LAMA2: variants seen among roughly 807,000 people sequenced by gnomAD.
LAMA2 encodes the protein laminin subunit alpha 2, also known as laminin subunit alpha-2.
A neutral mutation model predicts 364.8 loss-of-function variants in LAMA2; 269 were observed. That is an observed-to-expected ratio of 0.74 (90% CI 0.67 to 0.82). The LOEUF (loss-of-function observed/expected upper bound fraction) is 0.82, where lower values mean the gene tolerates loss of function less well. Among genes scored for constraint, LAMA2 ranks in the 40% least tolerant of loss-of-function variants. The probability of loss-of-function intolerance (pLI) is 0.00; values close to 1 mark genes in which losing one functional copy is unlikely to be tolerated. For missense variants in LAMA2, 3,807 were observed against 3,873.2 expected (o/e 0.98, Z 0.45); for synonymous variants, 1,379 against 1,370.6 (o/e 1.01, Z -0.14).
chr6:129,486,936 A>C (rs1162858484), intron 56 of LAMA2, among the ~76,000 whole-genome samples: 1 of 152,178 alleles, frequency 6.6e-6, no homozygotes, highest in Non-Finnish European at 1.5e-5. Flanking sequence ...TACCTCCTCA[A>C]ATAAGGTATG....
chr6:129,467,122 A>T (rs1250695096), intron 51 of LAMA2, among the ~76,000 whole-genome samples: 1 of 151,856 alleles, frequency 6.6e-6, no homozygotes, highest in East Asian at 1.9e-4. Flanking sequence ...TCAACAGATG[A>T]CTGAGAAAAG....
At chr6:129,082,146 G>C (rs112829748) in intron 3 of LAMA2, among the ~76,000 whole-genome samples, 2,052 of 152,128 alleles carry the variant, frequency 0.013, 22 homozygotes, top group South Asian at 0.046. Context: ...TAAGTTATTG[G>C]TAATCCTTTT....
rs561354157 is a variant in LAMA2, at chr6:129,499,721, G to GA, written c.8245-2938_8245-2937insA. ...ACTGGTGCTGCCCTGAACACATCAT[G>GA]TTTTTTTTCTTTTTGAGACAGGTTC... On this transcript the variant is annotated intron_variant, in intron 58 of 64. Coordinates refer to ENST00000421865, the MANE Select transcript of LAMA2 (RefSeq NM_000426.4). 4.0e-3 allele frequency among the ~76,000 whole-genome samples: 604 copies of GA among 151,894 alleles called. 1 individual carries two copies. The highest frequency in any genetic ancestry group is 6.2e-3 in the Non-Finnish European group (422 of 67,930).
At chr6:129,427,724 T>G in intron 40 of LAMA2, 28 bp from the exon 41 acceptor site, 1 of 1,490,968 alleles carries the variant, frequency 6.7e-7, no homozygotes, top group South Asian at 1.1e-5. Context: ...TGGTTTTAGA[T>G]GTATGACATT....
At chr6:128,933,657 A>G (rs1000390573) in intron 1 of LAMA2, among the ~76,000 whole-genome samples, 1 of 151,996 alleles carries the variant, frequency 6.6e-6, no homozygotes, top group Non-Finnish European at 1.5e-5. Context: ...TTTGATTTGT[A>G]TTTCCCTGAT....
At chr6:129,104,240 T>A (rs189299295) in intron 4 of LAMA2, among the ~76,000 whole-genome samples, 1 of 152,182 alleles carries the variant, frequency 6.6e-6, no homozygotes, top group African/African-American at 2.4e-5. Flanking sequence ...TCAAGTGATC[T>A]TTCCACCTTA....
chr6:129,470,041 G>A (rs1169991463), intron 51 of LAMA2, among the ~76,000 whole-genome samples: 2 of 151,780 alleles, frequency 1.3e-5, no homozygotes, highest in Admixed American at 1.3e-4. Flanking sequence ...TTCTGCAGGT[G>A]TATACAATTA....
At chr6:128,963,269 A>G (rs1054241884) in intron 1 of LAMA2, among the ~76,000 whole-genome samples, 5 of 152,164 alleles carry the variant, frequency 3.3e-5, no homozygotes, top group African/African-American at 9.6e-5. Context: ...ACTGGCCCAC[A>G]TTCTAGGTTG....
At chr6:129,140,910 C>T (rs975653555) in intron 4 of LAMA2, among the ~76,000 whole-genome samples, 8 of 152,030 alleles carry the variant, frequency 5.3e-5, no homozygotes, top group Non-Finnish European at 1.2e-4. Context: ...TTGCTGAATC[C>T]TTCATGTAGC....
intron 1 of LAMA2, chr6:128,929,913 C>T (rs1247096156): frequency 4.7e-6 from 4 of 842,764 alleles, no homozygotes; most frequent in Non-Finnish European, 7.9e-6. Flanking sequence ...TGCAGGTACG[C>T]AGCAAGCAGG....
At chr6:128,929,948 AC>A in intron 1 of LAMA2, 1 of 723,818 alleles carries the variant, frequency 1.4e-6, no homozygotes, top group Non-Finnish European at 2.4e-6. Context: ...CCCCACCTGG[AC>A]CCACCACTCC....
chr6:129,387,118 G>A (rs1035319908), intron 35 of LAMA2, among the ~76,000 whole-genome samples: 9 of 150,564 alleles, frequency 6.0e-5, no homozygotes, highest in African/African-American at 1.9e-4. Flanking sequence ...TGGGGTATGT[G>A]TTATATGTTT....
chr6:129,166,552 C>A (rs968908481), intron 9 of LAMA2, among the ~76,000 whole-genome samples: 1 of 152,072 alleles, frequency 6.6e-6, no homozygotes, highest in African/African-American at 2.4e-5. Context: ...AAAACGGATA[C>A]GTTTTGATAG....
intron 1 of LAMA2, among the ~76,000 whole-genome samples, chr6:128,988,523 A>G (rs1375444745): frequency 6.6e-6 from 1 of 152,246 alleles, no homozygotes; most frequent in Non-Finnish European, 1.5e-5. Flanking sequence ...ACTAAAGTGC[A>G]GCAGAGATGC....
At chr6:128,887,111 C>T (rs898641588) in intron 1 of LAMA2, among the ~76,000 whole-genome samples, 1 of 151,982 alleles carries the variant, frequency 6.6e-6, no homozygotes, top group African/African-American at 2.4e-5. Flanking sequence ...TGAGACAATC[C>T]TCACACATTT....
At chr6:129,482,180 C>T (rs1784380638) in intron 55 of LAMA2, among the ~76,000 whole-genome samples, 1 of 152,126 alleles carries the variant, frequency 6.6e-6, no homozygotes, top group Non-Finnish European at 1.5e-5. Flanking sequence ...TGGTCGTGCA[C>T]AACTGTGATT....
At chr6:129,081,536 T>C (rs1393848537) in intron 3 of LAMA2, among the ~76,000 whole-genome samples, 1 of 152,344 alleles carries the variant, frequency 6.6e-6, no homozygotes, top group East Asian at 1.9e-4. Context: ...ATTCAGAAAT[T>C]GTAGGTCCTT....
At chr6:129,377,538 T>C (rs1258324900) in intron 34 of LAMA2, among the ~76,000 whole-genome samples, 1 of 152,172 alleles carries the variant, frequency 6.6e-6, no homozygotes, top group Non-Finnish European at 1.5e-5. Context: ...TCCTTGTGTG[T>C]TGTTGGTCCT....
chr6:129,099,740 G>A (rs1275074347), intron 4 of LAMA2, among the ~76,000 whole-genome samples: 1 of 152,140 alleles, frequency 6.6e-6, no homozygotes, highest in Non-Finnish European at 1.5e-5. Context: ...TTATATTAAT[G>A]TATACCAGTG....
Sources: gnomAD v4.1 joint callset for allele counts (sites outside exome capture counted in the v4.1 genomes callset) on GRCh38, gnomAD v4.1.1 for gene constraint, MANE v1.5 for transcripts, NCBI Gene and HGNC (gene_info 2026-07-23, HGNC 2026-07-21) for gene names.